Variants in LIMCH1 observed in about 807,000 individuals in gnomAD.
LIMCH1 encodes the protein LIM and calponin homology domains-containing protein 1.
A neutral mutation model predicts 176.5 loss-of-function variants in LIMCH1; 113 were observed. The observed-to-expected ratio is 0.64, with a 90% confidence interval of 0.55 to 0.75. The LOEUF is 0.75. Ranked by LOEUF, LIMCH1 falls within the 30% of genes least tolerant of loss-of-function variation. LIMCH1 has a pLI of 0.00. For synonymous variants in LIMCH1, 619 were observed against 645.9 expected (o/e 0.96, Z 0.63); for missense variants, 1,674 against 1,814.9 (o/e 0.92, Z 1.41).
chr4:41,620,342 T>A, intron 6 of LIMCH1, 82 bp from the exon 7 acceptor site: 1 of 1,301,066 alleles, frequency 7.7e-7, no homozygotes, highest in African/African-American at 1.5e-5. Context: ...AAAAGTAATA[T>A]CAGAATAGCG....
At chr4:41,628,373 C>A (rs2093108146) in intron 8 of LIMCH1, among the ~76,000 whole-genome samples, 1 of 150,050 alleles carries the variant, frequency 6.7e-6, no homozygotes, top group African/African-American at 2.5e-5. Flanking sequence ...AGTTCTGGGT[C>A]TGAAGCAGCC....
chr4:41,637,596 C>G (rs1250442840), intron 13 of LIMCH1, among the ~76,000 whole-genome samples: 15 of 152,226 alleles, frequency 9.9e-5, no homozygotes, highest in Admixed American at 9.8e-4. Context: ...AAACGATACT[C>G]TGGAGAAGGA....
chr4:41,575,780 T>A (rs965381185), intron 1 of LIMCH1, among the ~76,000 whole-genome samples: 1 of 152,202 alleles, frequency 6.6e-6, no homozygotes, highest in African/African-American at 2.4e-5. Flanking sequence ...TCTTGCAATG[T>A]TGAGATCGCA....
chr4:41,415,455 T>C (rs1048872531), intron 1 of LIMCH1, among the ~76,000 whole-genome samples: 30 of 152,118 alleles, frequency 2.0e-4, no homozygotes, highest in African/African-American at 2.9e-4. Flanking sequence ...ATGTATATGA[T>C]TTCCATGCTG....
chr4:41,530,822 T>TAAAAAAAG (rs1345989713), intron 3 of LIMCH1, among the ~76,000 whole-genome samples: 1 of 73,736 alleles, frequency 1.4e-5, no homozygotes, highest in African/African-American at 8.9e-5. Context: ...AAAAAAAATT[T>TAAAAAAAG]TTTTTTTTTT....
intron 5 of LIMCH1, 40 bp from the exon 6 acceptor site, chr4:41,619,148 G>T (rs1389450270): frequency 6.2e-7 from 1 of 1,610,420 alleles, no homozygotes; most frequent in Admixed American, 1.7e-5. Flanking sequence ...CTTTCTGCTA[G>T]CCTAACACAC....
At chr4:41,409,439 A>C (rs373590350) in intron 1 of LIMCH1, among the ~76,000 whole-genome samples, 1 of 152,328 alleles carries the variant, frequency 6.6e-6, no homozygotes, top group East Asian at 1.9e-4. Context: ...TTTGAATGAT[A>C]CACTATTGAG....
intron 7 of LIMCH1, among the ~76,000 whole-genome samples, chr4:41,623,811 C>T (rs1192572632): frequency 1.3e-5 from 2 of 152,110 alleles, no homozygotes; most frequent in Non-Finnish European, 2.9e-5. Context: ...ATTTCATTTT[C>T]ACAAGAGGTC....
intron 1 of LIMCH1, among the ~76,000 whole-genome samples, chr4:41,564,491 C>CAA (rs1193591490): frequency 6.6e-6 from 1 of 152,086 alleles, no homozygotes; most frequent in Non-Finnish European, 1.5e-5. Context: ...TGGGGGAATA[C>CAA]AAAAGTAGGC....
At chr4:41,503,564 C>T (rs1264943030) in intron 2 of LIMCH1, among the ~76,000 whole-genome samples, 1 of 152,066 alleles carries the variant, frequency 6.6e-6, no homozygotes, top group African/African-American at 2.4e-5. Context: ...CTCTTTGAGG[C>T]CTTGGTTAGA....
At chr4:41,460,884 C>T (rs1213163025) in intron 1 of LIMCH1, among the ~76,000 whole-genome samples, 1 of 152,174 alleles carries the variant, frequency 6.6e-6, no homozygotes, top group African/African-American at 2.4e-5. Context: ...TCCTCAGTTC[C>T]CCTGACTGTG....
rs577680524 is a variant in LIMCH1 at position 41,461,375 on chromosome 4, A to G, written c.97-33161A>G. Among the ~76,000 whole-genome samples the G allele has an allele frequency of 5.3e-5, 8 of 152,316 alleles. No individual in the cohort carries two copies. The South Asian group carries it at 1.5e-3, about 28-fold the overall frequency. ...TTTCTTCGATTGCTTAAAAACGACT[A>G]AAGAGGTTTTGCCTCATTTGATGGA... On this transcript the variant is annotated intron_variant, in intron 1 of 26. Coordinates refer to the LIMCH1 transcript ENST00000313860.
chr4:41,581,805 C>CAAAAAAA (rs56150312), intron 1 of LIMCH1, among the ~76,000 whole-genome samples: 21 of 76,184 alleles, frequency 2.8e-4, no homozygotes, highest in Non-Finnish European at 3.6e-4. Context: ...GACTCTGTCT[C>CAAAAAAA]AAAAAAAAAA....
intron 1 of LIMCH1, among the ~76,000 whole-genome samples, chr4:41,402,018 C>T (rs2058492448): frequency 6.6e-6 from 1 of 152,166 alleles, no homozygotes; most frequent in Non-Finnish European, 1.5e-5. Flanking sequence ...ATTGAATACC[C>T]TTTATTTCCT....
In LIMCH1 at chr4:41,571,125, G is replaced by T. The variant is rs1032415397; in HGVS notation, c.-240-27795G>T. Among the ~76,000 whole-genome samples, 7 of 152,094 alleles carry T rather than the reference G, an allele frequency of 4.6e-5. No homozygotes were observed. In the South Asian group the frequency reaches 1.5e-3, roughly 32 times the overall value. ...TTATGATCAACTCTTGTGGGCAGGA[G>T]AGCTGAGAAAGAAGAGGAGAGAATG... is the stretch of plus-strand genomic sequence containing the variant. On this transcript the variant is annotated intron_variant, in intron 1 of 31. Coordinates refer to ENST00000503057, the MANE Select transcript of LIMCH1 (RefSeq NM_001330672.2).
intron 25 of LIMCH1, among the ~76,000 whole-genome samples, chr4:41,681,612 C>T (rs1009864858): frequency 6.6e-6 from 1 of 152,020 alleles, no homozygotes; most frequent in African/African-American, 2.4e-5. Flanking sequence ...CTGCAGTGAA[C>T]GTGATCTTGC....
rs2154117308 is a variant in LIMCH1, at chr4:41,400,936, T to C, written c.96+40000T>C. Among the ~76,000 whole-genome samples the C allele has an allele frequency of 3.9e-5, 6 of 152,324 alleles. No homozygotes were observed. In the Middle Eastern group the frequency reaches 0.02, roughly 518 times the overall value. ...ATTGTAGATTCTGGATATTAGCCCT[T>C]TGTCAGATGAGTAGGTTGCGAAAAT... On this transcript the variant is annotated intron_variant, in intron 1 of 26. Transcript: ENST00000313860.
intron 5 of LIMCH1, 59 bp downstream of exon 5, chr4:41,613,720 T>C (rs966223528): frequency 2.7e-6 from 4 of 1,457,644 alleles, no homozygotes; most frequent in South Asian, 1.2e-5. Flanking sequence ...AGGGGCTGCA[T>C]TGCGCCTGGC....
intron 2 of LIMCH1, among the ~76,000 whole-genome samples, chr4:41,502,999 G>GTCCATTCA (rs1554075695): frequency 7.2e-6 from 1 of 138,312 alleles, no homozygotes; most frequent in East Asian, 2.1e-4. Flanking sequence ...TGGTCTGTCT[G>GTCCATTCA]TCCATCCATC....
Sources: allele counts gnomAD v4.1 joint callset (sites outside exome capture counted in the v4.1 genomes callset), GRCh38; gene constraint gnomAD v4.1.1; transcripts MANE v1.5; gene names NCBI Gene and HGNC (gene_info 2026-07-23, HGNC 2026-07-21).